ARHGEF7: variants seen among roughly 807,000 people sequenced by gnomAD.
ARHGEF7 encodes the protein PAK-interacting exchange factor beta.
Under a neutral mutation model 109.8 loss-of-function variants are expected in ARHGEF7, and 33 were observed. The ratio of observed to expected loss-of-function variants is 0.30; its 90% CI spans 0.23 to 0.40. The LOEUF is 0.40. ARHGEF7 is among the 10% of genes least tolerant of loss of function. The pLI is 1.00. For synonymous variants in ARHGEF7, 458 were observed against 424.6 expected (o/e 1.08, Z -0.97); for missense variants, 938 against 1,098.5 (o/e 0.85, Z 2.07).
At chr13:111,224,869 G>A (rs2084973763) in intron 5 of ARHGEF7, among the ~76,000 whole-genome samples, 1 of 152,144 alleles carries the variant, frequency 6.6e-6, no homozygotes, top group African/African-American at 2.4e-5. Context: ...GTGAGGATTG[G>A]GTTTGGATGG....
At chr13:111,171,351 C>T (rs975368075) in intron 2 of ARHGEF7, among the ~76,000 whole-genome samples, 3 of 152,182 alleles carry the variant, frequency 2.0e-5, no homozygotes, top group Admixed American at 6.5e-5. Context: ...TGCAGGAGTA[C>T]AGGTGTCTGA....
At chr13:111,287,443 G>A (rs1196816380) in intron 17 of ARHGEF7, among the ~76,000 whole-genome samples, 1 of 152,236 alleles carries the variant, frequency 6.6e-6, no homozygotes, top group African/African-American at 2.4e-5. Flanking sequence ...TGCTTCATCA[G>A]CACCTTCGTG....
At chr13:111,191,461 A>G (rs1443428141) in intron 2 of ARHGEF7, among the ~76,000 whole-genome samples, 1 of 152,214 alleles carries the variant, frequency 6.6e-6, no homozygotes, top group African/African-American at 2.4e-5. Flanking sequence ...TCTTGGTCTT[A>G]TCAGAGATGG....
chr13:111,154,014 C>T (rs780374074), intron 2 of ARHGEF7, 23 bp downstream of exon 2: 34 of 1,588,780 alleles, frequency 2.1e-5, no homozygotes, highest in Non-Finnish European at 2.6e-5. Context: ...GGCCACGGGC[C>T]GAGGGAGGGG....
intron 5 of ARHGEF7, among the ~76,000 whole-genome samples, chr13:111,231,604 C>T (rs147099187): frequency 2.8e-4 from 43 of 152,244 alleles, no homozygotes; most frequent in African/African-American, 1.0e-3. Context: ...GAAGATGGTG[C>T]AGATCCTGAG....
intron 1 of ARHGEF7, among the ~76,000 whole-genome samples, chr13:111,119,937 C>CAT (rs1393676495): frequency 1.3e-5 from 2 of 152,110 alleles, no homozygotes; most frequent in Non-Finnish European, 2.9e-5. Context: ...CTGTAGCCGT[C>CAT]ATAAAGACTT....
At chr13:111,169,135 A>G (rs1032650426) in intron 2 of ARHGEF7, among the ~76,000 whole-genome samples, 5 of 152,238 alleles carry the variant, frequency 3.3e-5, no homozygotes, top group Non-Finnish European at 7.3e-5. Flanking sequence ...TCCGTTTAAC[A>G]TGTACTAGTT....
At position 111,292,261 on chromosome 13, in the gene ARHGEF7, A is replaced by G; in HGVS notation, c.2278A>G (p.Thr760Ala). The G allele has an allele frequency of 6.2e-7, 1 of 1,614,206 alleles. No homozygotes were observed. Among genetic ancestry groups the G allele is most frequent in the Non-Finnish European group, 8.5e-7 (1 of 1,180,042 alleles). ...AGACTCTGACTATGACAGTATATGG[A>G]CAGCCCATAGTTACAGAATGGGTTC... ...SEDSDYDSIW[T>A]AHSYRMGSTS... The change falls in exon 19 of 22, where the codon ACA becomes GCA. Residue 760 changes from threonine (T) to alanine (A), a missense_variant. Physicochemically the swap from Thr to Ala is moderately conservative, Grantham distance 58 (BLOSUM62 0). This residue lies in a region of ARHGEF7 where 166 missense variants were observed against 167.3 expected (regional missense o/e 0.99). Coordinates refer to ENST00000646102, the MANE Select transcript of ARHGEF7 (RefSeq NM_001354046.2).
chr13:111,163,112 C>G (rs1211050933), intron 2 of ARHGEF7, among the ~76,000 whole-genome samples: 4 of 152,174 alleles, frequency 2.6e-5, no homozygotes, highest in African/African-American at 9.7e-5. Flanking sequence ...TTGACTGATT[C>G]ATTGAATAAG....
At chr13:111,270,717 T>C (rs1405198004) in intron 9 of ARHGEF7, among the ~76,000 whole-genome samples, 1 of 152,192 alleles carries the variant, frequency 6.6e-6, no homozygotes, top group Non-Finnish European at 1.5e-5. Context: ...GATTCTTATT[T>C]TGGTGGAAAA....
intron 8 of ARHGEF7, among the ~76,000 whole-genome samples, chr13:111,261,664 A>T (rs1318340877): frequency 2.0e-5 from 3 of 152,242 alleles, no homozygotes; most frequent in Non-Finnish European, 4.4e-5. Flanking sequence ...TTCTTTTCTT[A>T]GCACATGGAT....
In ARHGEF7 at chr13:111,275,670, G is replaced by A. The variant is rs1321905052; in HGVS notation, c.1411G>A (p.Gly471Arg). ...YMSQVLIQCA[G>R]SEEKNERYLL... ...GTCCCAGGTCCTGATTCAGTGTGCCGGAAGTGAGGTACTGCTGCCCACATG... is the reference window on the plus strand; with the variant it reads ...GTCCCAGGTCCTGATTCAGTGTGCCAGAAGTGAGGTACTGCTGCCCACATG... The change falls in exon 12 of 22, where the codon GGA becomes AGA. Residue 471 changes from glycine to arginine, a missense_variant. By Grantham distance (125) the Gly-to-Arg change is moderately radical (BLOSUM62 -2). Around this residue, in one of 4 missense-constraint regions of ARHGEF7, gnomAD observed 585 missense variants for 723.6 expected, o/e 0.81. Coordinates refer to ENST00000646102, the MANE Select transcript of ARHGEF7 (RefSeq NM_001354046.2). The A allele has an allele frequency of 4.3e-6, 7 of 1,614,118 alleles. No homozygotes were observed. Among genetic ancestry groups the A allele is most frequent in the South Asian group, 2.2e-5 (2 of 91,086 alleles).
intron 1 of ARHGEF7, among the ~76,000 whole-genome samples, chr13:111,130,854 G>A (rs1228483123): frequency 2.6e-5 from 4 of 152,166 alleles, no homozygotes; most frequent in African/African-American, 7.2e-5. Flanking sequence ...CATAGCTGTC[G>A]TAAGAGGAGG....
At chr13:111,207,084 G>A (rs2094009) in intron 3 of ARHGEF7, among the ~76,000 whole-genome samples, 116,942 of 152,092 alleles carry the variant, frequency 0.77, 45,167 homozygotes, top group East Asian at 0.9. Context: ...ACTGCAACAG[G>A]TGATGTACAG....
intron 1 of ARHGEF7, among the ~76,000 whole-genome samples, chr13:111,140,781 C>A (rs2075309399): frequency 6.6e-6 from 1 of 152,120 alleles, no homozygotes; most frequent in African/African-American, 2.4e-5. Context: ...TAGCCTTGAA[C>A]TCCTGGGCTC....
chr13:111,155,702 G>A (rs748833019), intron 2 of ARHGEF7, among the ~76,000 whole-genome samples: 35 of 152,126 alleles, frequency 2.3e-4, no homozygotes, highest in African/African-American at 4.1e-4. Context: ...TTTTGTTTAC[G>A]TTAACATACT....
In ARHGEF7 at chr13:111,292,109, C is replaced by G. The variant is rs1329870652; in HGVS notation, c.2135-9C>G. On this transcript the variant is annotated splice_polypyrimidine_tract_variant and intron_variant, in intron 18 of 21. Coordinates refer to ENST00000646102, the MANE Select transcript of ARHGEF7 (RefSeq NM_001354046.2). ...CTGTCGCGCCTGTCCCTCCGCCCGC[C>G]CGTCTTAGCATGGCAAGGCACTGAC... 7 of 1,610,222 alleles carry G rather than the reference C, an allele frequency of 4.3e-6. No homozygotes were observed. Among genetic ancestry groups the G allele is most frequent in the Non-Finnish European group, 8.5e-7 (1 of 1,178,264 alleles).
At chr13:111,246,438 A>G (rs59158303) in intron 8 of ARHGEF7, among the ~76,000 whole-genome samples, 5,486 of 152,252 alleles carry the variant, frequency 0.036, 264 homozygotes, top group Admixed American at 0.14. Flanking sequence ...ACCAACCATG[A>G]TGAAAATACT....
intron 19 of ARHGEF7, among the ~76,000 whole-genome samples, chr13:111,299,029 G>A (rs1391639622): frequency 6.6e-6 from 1 of 152,200 alleles, no homozygotes; most frequent in East Asian, 1.9e-4. Context: ...GCTTTCCCAG[G>A]ACGTCATCTT....
Sources: gnomAD v4.1 joint callset for allele counts (sites outside exome capture counted in the v4.1 genomes callset) on GRCh38, gnomAD v4.1.1 for gene constraint, gnomAD v4.1.1 regional missense constraint, MANE v1.5 for transcripts, NCBI Gene and HGNC (gene_info 2026-07-23, HGNC 2026-07-21) for gene names.